FTCDNL1: variants seen among roughly 807,000 people sequenced by gnomAD.
FTCDNL1 encodes formiminotransferase cyclodeaminase N-terminal like, also known as formiminotransferase N-terminal subdomain-containing protein.
FTCDNL1 carries 11 observed loss-of-function variants against 5.9 expected under a neutral mutation model. That is an observed-to-expected ratio of 1.87 (90% CI 1.18 to 3.10). The LOEUF (loss-of-function observed/expected upper bound fraction) is 3.10. Among genes scored for constraint, FTCDNL1 ranks in the 30% most tolerant of loss-of-function variants. The pLI is 0.00. For missense variants in FTCDNL1, 115 were observed against 65.5 expected, an observed-to-expected ratio of 1.76 and a Z score of -2.61; for synonymous variants, 58 against 24.8, an observed-to-expected ratio of 2.34 and a Z score of -3.99.
At chr2:199,791,920 C>A (rs994826357) in intron 3 of FTCDNL1, among the ~76,000 whole-genome samples, 2 of 151,936 alleles carry the variant, frequency 1.3e-5, no homozygotes, top group African/African-American at 4.8e-5. Flanking sequence ...TATAGTATCA[C>A]CTTTTATAAA....
At chr2:199,836,301 A>G (rs982942695) in intron 3 of FTCDNL1, among the ~76,000 whole-genome samples, 3 of 152,046 alleles carry the variant, frequency 2.0e-5, no homozygotes, top group African/African-American at 7.2e-5. Flanking sequence ...AGTAACTAAG[A>G]CTACAGGCAC....
chr2:199,700,791 G>C, the FTCDNL1 span, among the ~76,000 whole-genome samples: 1 of 152,126 alleles, frequency 6.6e-6, no homozygotes, highest in African/African-American at 2.4e-5. Context: ...ATGGGCAAAG[G>C]ACTCCCTATT....
At chr2:199,759,139 G>GTATATATATATA (rs372109443), downstream of FTCDNL1, among the ~76,000 whole-genome samples, 4 of 151,128 alleles carry the variant, frequency 2.6e-5, no homozygotes, top group East Asian at 3.9e-4. Context: ...ATATTTGTGT[G>GTATATATATATA]TGTATATATA....
At chr2:199,716,497 TGAA>T in the FTCDNL1 span, among the ~76,000 whole-genome samples, 3 of 152,190 alleles carry the variant, frequency 2.0e-5, no homozygotes, top group African/African-American at 7.2e-5. Flanking sequence ...TGTCTACACA[TGAA>T]GAAAACGTGG....
downstream of FTCDNL1, chr2:199,760,401 T>C (rs749939613): frequency 1.3e-4 from 21 of 166,754 alleles, no homozygotes; most frequent in Middle Eastern, 3.0e-3. Context: ...AACCAGTTAA[T>C]GACAAATTTG....
At chr2:199,716,382 T>C in the FTCDNL1 span, among the ~76,000 whole-genome samples, 1 of 152,204 alleles carries the variant, frequency 6.6e-6, no homozygotes, top group Non-Finnish European at 1.5e-5. Context: ...GTTCCCTGTA[T>C]CCTCATTTAT....
chr2:199,813,382 G>T (rs912492766), intron 4 of FTCDNL1, among the ~76,000 whole-genome samples: 7 of 97,788 alleles, frequency 7.2e-5, no homozygotes, highest in African/African-American at 2.1e-4. Flanking sequence ...TAACTCTACA[G>T]AAAAGTGTTT....
intron 3 of FTCDNL1, among the ~76,000 whole-genome samples, chr2:199,776,054 C>T (rs1178726351): frequency 6.6e-6 from 1 of 152,004 alleles, no homozygotes; most frequent in African/African-American, 2.4e-5. Context: ...GCTGGGACTA[C>T]AGGCGCCCGC....
chr2:199,725,010 C>T, the FTCDNL1 span, among the ~76,000 whole-genome samples: 6 of 151,944 alleles, frequency 3.9e-5, no homozygotes, highest in East Asian at 1.9e-4. Context: ...ATTATGCAGG[C>T]GTCTAAGTCT....
intron 3 of FTCDNL1, among the ~76,000 whole-genome samples, chr2:199,836,919 T>TC (rs916096838): frequency 1.3e-5 from 2 of 152,118 alleles, no homozygotes; most frequent in Non-Finnish European, 2.9e-5. Context: ...CCAGCTCTGG[T>TC]CCCCCACAGG....
At chr2:199,850,130 C>A (rs1408152740) in intron 1 of FTCDNL1, among the ~76,000 whole-genome samples, 1 of 152,186 alleles carries the variant, frequency 6.6e-6, no homozygotes, top group Non-Finnish European at 1.5e-5. Context: ...TCGTAGCTAG[C>A]TCAGGTTTGC....
intron 3 of FTCDNL1, among the ~76,000 whole-genome samples, chr2:199,776,429 C>A (rs1199417048): frequency 6.6e-6 from 1 of 152,228 alleles, no homozygotes; most frequent in Non-Finnish European, 1.5e-5. Flanking sequence ...ATTAATCATT[C>A]TAACAGCTTA....
intron 3 of FTCDNL1, among the ~76,000 whole-genome samples, chr2:199,765,177 T>C (rs1162934824): frequency 1.3e-5 from 2 of 152,166 alleles, no homozygotes; most frequent in African/African-American, 4.8e-5. Context: ...GGTGGCTGCA[T>C]ACCATTATGC....
At chr2:199,722,267 A>T in the FTCDNL1 span, among the ~76,000 whole-genome samples, 1 of 152,184 alleles carries the variant, frequency 6.6e-6, no homozygotes, top group Non-Finnish European at 1.5e-5. Flanking sequence ...TGGGTTTTAC[A>T]TTTAAGTCTT....
chr2:199,756,724 T>TA (rs1559163217), downstream of FTCDNL1, among the ~76,000 whole-genome samples: 1 of 152,208 alleles, frequency 6.6e-6, no homozygotes, highest in Admixed American at 6.5e-5. Context: ...CAGTAACAAA[T>TA]ACTTCCAAAT....
chr2:199,703,574 G>A, the FTCDNL1 span, among the ~76,000 whole-genome samples: 1 of 151,866 alleles, frequency 6.6e-6, no homozygotes, highest in African/African-American at 2.4e-5. Flanking sequence ...TATGTTTGTG[G>A]CTCACATTAT....
the FTCDNL1 span, among the ~76,000 whole-genome samples, chr2:199,718,802 C>G: frequency 1.3e-5 from 2 of 152,080 alleles, no homozygotes; most frequent in African/African-American, 4.8e-5. Flanking sequence ...CTGAAGATTA[C>G]TGACATTTTT....
At chr2:199,701,450 A>C in the FTCDNL1 span, among the ~76,000 whole-genome samples, 2 of 152,078 alleles carry the variant, frequency 1.3e-5, no homozygotes, top group African/African-American at 4.8e-5. Context: ...TTAGACCCAG[A>C]ATCCCATTAT....
the FTCDNL1 span, among the ~76,000 whole-genome samples, chr2:199,709,603 T>C: frequency 3.8e-3 from 583 of 152,226 alleles, no homozygotes; most frequent in Non-Finnish European, 6.7e-3. Flanking sequence ...GGAAGATGTT[T>C]CAGAGGGCTG....
Sources: allele counts gnomAD v4.1 joint callset (sites outside exome capture counted in the v4.1 genomes callset), GRCh38; gene constraint gnomAD v4.1.1; transcripts MANE v1.5; gene names NCBI Gene and HGNC (gene_info 2026-07-23, HGNC 2026-07-21).